ATG4B: variants seen among roughly 807,000 people sequenced by gnomAD.
ATG4B encodes the protein autophagy related 4B cysteine peptidase.
ATG4B carries 29 observed loss-of-function variants against 56.6 expected under a neutral mutation model. The observed-to-expected ratio is 0.51, with a 90% CI of 0.38 to 0.70. The LOEUF is 0.70. Ranked by LOEUF, ATG4B falls within the 30% of genes least tolerant of loss-of-function variation. The probability of loss-of-function intolerance (pLI) is 0.00; values close to 1 mark genes in which losing one functional copy is unlikely to be tolerated. For missense variants in ATG4B, 461 were observed against 515.5 expected, an observed-to-expected ratio of 0.89 and a Z score of 1.02; for synonymous variants, 224 against 206.1, an observed-to-expected ratio of 1.09 and a Z score of -0.74.
chr2:241,666,754 G>A lies in ATG4B; in HGVS notation c.648G>A (p.Pro216=), dbSNP rs755923810. ...CCGGAGCTGAGGTCACCAACAGGCC[G>A]TCGCCATGGAGACCCCTGGTACTTC... is the stretch of plus-strand genomic sequence containing the variant. ...FPAGAEVTNR[P]SPWRPLVLLI... is the part of the protein sequence containing the mutation. Residue 216 remains proline (P), a synonymous_variant, in exon 8 of 13, where the codon CCG becomes CCA. Transcript: ENST00000404914. 1.3e-5 allele frequency: 21 copies of A among 1,605,258 alleles called. No homozygotes were observed. Among genetic ancestry groups the A allele is most frequent in the East Asian group, 6.7e-5 (3 of 44,500 alleles).
chr2:241,663,457 T>C (rs1481621857), intron 7 of ATG4B, among the ~76,000 whole-genome samples: 2 of 152,130 alleles, frequency 1.3e-5, no homozygotes, highest in African/African-American at 4.8e-5. Context: ...TGCCTGGAAA[T>C]GTGAAACCTC....
chr2:241,668,069 C>T lies in ATG4B; in HGVS notation c.733-74C>T, dbSNP rs7592829. On this transcript the variant is annotated intron_variant, in intron 8 of 12. Transcript: ENST00000404914. This position sits in a 1 kb window ranked among gnomAD's most constrained non-coding sequence, Gnocchi z 4.2. Reference sequence around the variant, plus strand: ...AGTTGGGCCTCAGCAGGCCCTTGGGCCCCCTATGGCAGTGGGTGGGGGGAC... The same window carrying T: ...AGTTGGGCCTCAGCAGGCCCTTGGGTCCCCTATGGCAGTGGGTGGGGGGAC... 0.39 allele frequency: 569,704 copies of T among 1,466,584 alleles called. 113,684 individuals are homozygous for T. The highest frequency in any genetic ancestry group is 0.5 in the Middle Eastern group (2,542 of 5,036). The allele number at this position is 1,466,584 out of a possible 1,614,324, so 90.8% of individuals were successfully genotyped here. A position where few individuals can be genotyped will look rare whatever the true frequency, so the allele number is the denominator to read the frequency against.
At chr2:241,665,737 T>C (rs2068740311) in intron 7 of ATG4B, among the ~76,000 whole-genome samples, 1 of 152,272 alleles carries the variant, frequency 6.6e-6, no homozygotes, top group Non-Finnish European at 1.5e-5. Context: ...GAGCATGTCC[T>C]GGTGAGCTGT....
intron 7 of ATG4B, among the ~76,000 whole-genome samples, chr2:241,663,967 G>A (rs368652561): frequency 1.8e-3 from 271 of 151,974 alleles, no homozygotes; most frequent in Non-Finnish European, 2.8e-3. Flanking sequence ...ATGCCACCAC[G>A]CCTGGCTAAT....
At chr2:241,653,660 C>A in intron 4 of ATG4B, 50 bp downstream of exon 4, 1 of 1,519,680 alleles carries the variant, frequency 6.6e-7, no homozygotes, top group Non-Finnish European at 8.9e-7. Flanking sequence ...TCTCAGGAAG[C>A]AAAGGGGACT....
chr2:241,655,370 C>CA (rs1386390608), intron 6 of ATG4B, 27 bp downstream of exon 6: 3 of 1,588,692 alleles, frequency 1.9e-6, no homozygotes, highest in Non-Finnish European at 2.6e-6. Context: ...CACTGCTGAG[C>CA]ATGGGGCAGC....
At chr2:241,643,594 A>G (rs1387225610) in intron 1 of ATG4B, among the ~76,000 whole-genome samples, 3 of 149,482 alleles carry the variant, frequency 2.0e-5, no homozygotes, top group Non-Finnish European at 4.4e-5. Flanking sequence ...ATGTACATAT[A>G]TATATAAACA....
At chr2:241,672,086 G>A (rs1559277052) in intron 12 of ATG4B, 105 bp from the exon 13 acceptor site, 1 of 1,503,656 alleles carries the variant, frequency 6.7e-7, no homozygotes. Context: ...CTGTCTGTGG[G>A]CTGCAGAGCA....
chr2:241,660,198 A>C lies in ATG4B; in HGVS notation c.538+1011A>C, dbSNP rs528934707. Reference sequence around the variant, plus strand: ...AGCGAGAATCCGTCCCCCGCCCCCCAAAAAAAAGACCTCATTCAGAGCCAC... The same window carrying C: ...AGCGAGAATCCGTCCCCCGCCCCCCCAAAAAAAGACCTCATTCAGAGCCAC... On this transcript the variant is annotated intron_variant, in intron 7 of 12. Coordinates refer to ENST00000404914, the MANE Select transcript of ATG4B (RefSeq NM_013325.5). 2.3e-4 allele frequency among the ~76,000 whole-genome samples: 35 copies of C among 151,928 alleles called. 1 individual carries two copies. Among genetic ancestry groups the C allele is most frequent in the South Asian group, 1.0e-3 (5 of 4,804 alleles).
At chr2:241,641,343 G>C (rs946381869) in intron 1 of ATG4B, among the ~76,000 whole-genome samples, 1 of 152,216 alleles carries the variant, frequency 6.6e-6, no homozygotes, top group Non-Finnish European at 1.5e-5. Flanking sequence ...AAGGTCAGGA[G>C]ATCGAGACCA....
intron 5 of ATG4B, 96 bp downstream of exon 5, chr2:241,654,743 G>T: frequency 2.0e-6 from 2 of 987,226 alleles, no homozygotes; most frequent in South Asian, 2.9e-5. Context: ...GTCGTGGGAT[G>T]TGGAGCAGGA....
At chr2:241,656,034 AG>A (rs1428676092) in intron 6 of ATG4B, among the ~76,000 whole-genome samples, 1 of 152,020 alleles carries the variant, frequency 6.6e-6, no homozygotes, top group Non-Finnish European at 1.5e-5. Context: ...TTGTCCCCTC[AG>A]GGTCTCCTCC....
intron 1 of ATG4B, among the ~76,000 whole-genome samples, chr2:241,642,025 G>A (rs992125074): frequency 8.0e-6 from 1 of 125,310 alleles, no homozygotes; most frequent in East Asian, 2.5e-4. Context: ...CTGGCATGTG[G>A]TTGGTAATAA....
chr2:241,637,837 A>T, intron 1 of ATG4B, 113 bp downstream of exon 1: 2 of 1,062,550 alleles, frequency 1.9e-6, no homozygotes, highest in Non-Finnish European at 1.2e-6. Context: ...GGTGCGGGCC[A>T]GGCTGGGCCG....
chr2:241,652,173 G>A lies in ATG4B; in HGVS notation c.184+838G>A, dbSNP rs113541561. 5.0e-3 allele frequency among the ~76,000 whole-genome samples: 759 copies of A among 152,352 alleles called. 5 individuals are homozygous for A. The highest frequency in any genetic ancestry group is 0.017 in the African/African-American group (713 of 41,580). ...TATTTAATGATACACCTTGTGAGATGTACCCTGGGAATATTGATATGTAAT... is the reference window on the plus strand; with the variant it reads ...TATTTAATGATACACCTTGTGAGATATACCCTGGGAATATTGATATGTAAT... On this transcript the variant is annotated intron_variant, in intron 3 of 12. Transcript: ENST00000404914.
chr2:241,671,474 G>A (rs753658610), intron 12 of ATG4B, 69 bp downstream of exon 12: 1 of 1,581,750 alleles, frequency 6.3e-7, no homozygotes, highest in Non-Finnish European at 8.6e-7. Context: ...CCCAGTCCTG[G>A]CCCCCTTGGT....
intron 7 of ATG4B, among the ~76,000 whole-genome samples, chr2:241,662,176 A>G (rs2068611630): frequency 6.6e-6 from 1 of 152,208 alleles, no homozygotes; most frequent in Admixed American, 6.5e-5. Context: ...AAATTTTTTT[A>G]TCAGAAGTAC....
intron 5 of ATG4B, 104 bp from the exon 6 acceptor site, chr2:241,655,167 G>A (rs1221972114): frequency 1.7e-6 from 2 of 1,166,266 alleles, no homozygotes; most frequent in South Asian, 1.4e-5. Flanking sequence ...GCTGGGTCGG[G>A]TGCTGTCCAG....
chr2:241,672,679 C>T lies in ATG4B; in HGVS notation c.*415C>T, dbSNP rs988221874. 8.5e-6 allele frequency: 2 copies of T among 235,720 alleles called. No individual in the cohort carries two copies. The highest frequency in any genetic ancestry group is 4.5e-5 in the African/African-American group (2 of 44,394). 14.6% of individuals were successfully genotyped at this position (235,720 alleles called of 1,614,324 possible). A position where few individuals can be genotyped will look rare whatever the true frequency, so the allele number is the denominator to read the frequency against. On this transcript the variant is annotated 3_prime_UTR_variant, in exon 13 of 13. Transcript: ENST00000404914. Reference sequence around the variant, plus strand: ...CTCCCTGAGTCAGAGTCTCAGAAGACCTGTGCAGGCTGGCGTGAGAGGAGC... The same window carrying T: ...CTCCCTGAGTCAGAGTCTCAGAAGATCTGTGCAGGCTGGCGTGAGAGGAGC...
Sources: allele counts gnomAD v4.1 joint callset (sites outside exome capture counted in the v4.1 genomes callset), GRCh38; gene constraint gnomAD v4.1.1; non-coding constraint Gnocchi (gnomAD v3.1); transcripts MANE v1.5; gene names NCBI Gene and HGNC (gene_info 2026-07-23, HGNC 2026-07-21).